Variants in ESR1 observed in about 807,000 individuals in gnomAD.
ESR1 encodes the protein estrogen receptor 1.
ESR1 carries 12 observed loss-of-function variants against 52.7 expected under a neutral mutation model. The observed-to-expected ratio is 0.23, with a 90% CI of 0.15 to 0.37. The LOEUF (loss-of-function observed/expected upper bound fraction) is 0.37, where lower values mean the gene tolerates loss of function less well. Among genes scored for constraint, ESR1 ranks in the 10% least tolerant of loss-of-function variants. The pLI is 1.00. For missense variants in ESR1, 584 were observed against 779.7 expected, an observed-to-expected ratio of 0.75 and a Z score of 2.99; for synonymous variants, 305 against 316.8, an observed-to-expected ratio of 0.96 and a Z score of 0.39.
At chr6:151,794,403 G>C (rs1178133540) in intron 2 of ESR1, among the ~76,000 whole-genome samples, 1 of 152,154 alleles carries the variant, frequency 6.6e-6, no homozygotes, top group African/African-American at 2.4e-5. Context: ...TCCTAAATTA[G>C]ACTGTACACA....
intron 5 of ESR1, among the ~76,000 whole-genome samples, chr6:152,016,290 A>G (rs2128799338): frequency 6.6e-6 from 1 of 152,254 alleles, no homozygotes; most frequent in Admixed American, 6.5e-5. Context: ...CATGAGAACA[A>G]ACTAATACAT....
intron 6 of ESR1, among the ~76,000 whole-genome samples, chr6:152,070,179 C>G (rs763432808): frequency 7.3e-6 from 1 of 136,790 alleles, no homozygotes; most frequent in Non-Finnish European, 1.5e-5. Flanking sequence ...CTGTAGTACT[C>G]TCTATTTCAA....
intron 6 of ESR1, among the ~76,000 whole-genome samples, chr6:152,116,137 T>G (rs2051208164): frequency 6.6e-6 from 1 of 152,212 alleles, no homozygotes; most frequent in Admixed American, 6.5e-5. Flanking sequence ...TCATCACGAC[T>G]TTTTTAGAAA....
chr6:151,947,083 C>G (rs1225308070), intron 4 of ESR1, among the ~76,000 whole-genome samples: 1 of 152,062 alleles, frequency 6.6e-6, no homozygotes, highest in Non-Finnish European at 1.5e-5. Context: ...TTTGGGAGGC[C>G]GAGGCGGGTG....
At chr6:151,891,414 T>C (rs1794681459) in intron 3 of ESR1, among the ~76,000 whole-genome samples, 1 of 152,236 alleles carries the variant, frequency 6.6e-6, no homozygotes, top group Non-Finnish European at 1.5e-5. Flanking sequence ...AATGCAGAAC[T>C]TTGGGGCAGT....
At chr6:152,089,104 G>C (rs1328670549) in intron 6 of ESR1, among the ~76,000 whole-genome samples, 1 of 152,032 alleles carries the variant, frequency 6.6e-6, no homozygotes, top group Non-Finnish European at 1.5e-5. Flanking sequence ...ATTGGAAAAA[G>C]AAACAAACAA....
intron 2 of ESR1, 122 bp downstream of exon 2, chr6:151,842,909 T>A: frequency 1.3e-6 from 1 of 772,286 alleles, no homozygotes; most frequent in Non-Finnish European, 2.2e-6. Context: ...CCCTAGTAGG[T>A]CCACTAGTAT....
chr6:151,970,740 C>T (rs376198589), intron 4 of ESR1, among the ~76,000 whole-genome samples: 3 of 152,192 alleles, frequency 2.0e-5, no homozygotes, highest in Non-Finnish European at 4.4e-5. Context: ...TTATTCTCCT[C>T]GCTCTCTCTA....
At chr6:151,836,872 A>G (rs972388422) in intron 1 of ESR1, among the ~76,000 whole-genome samples, 2 of 152,194 alleles carry the variant, frequency 1.3e-5, no homozygotes, top group Non-Finnish European at 2.9e-5. Flanking sequence ...TTACAGAAAT[A>G]TTTCCTTTAA....
intron 3 of ESR1, among the ~76,000 whole-genome samples, chr6:151,931,230 T>G (rs763112815): frequency 7.0e-4 from 106 of 152,194 alleles, no homozygotes; most frequent in Non-Finnish European, 2.8e-4. Context: ...TTCTTTACAT[T>G]TCAGTTGGGG....
chr6:151,942,832 G>A (rs1048758736), intron 3 of ESR1, among the ~76,000 whole-genome samples: 5 of 152,008 alleles, frequency 3.3e-5, no homozygotes, highest in Admixed American at 3.3e-4. Flanking sequence ...CAAAACGATT[G>A]CTTCCTTCAT....
intron 5 of ESR1, among the ~76,000 whole-genome samples, chr6:152,048,567 G>T (rs972104104): frequency 7.9e-5 from 12 of 152,104 alleles, no homozygotes; most frequent in Middle Eastern, 3.2e-3. Context: ...TGACTAAACT[G>T]TACCCTGCAG....
intron 1 of ESR1, among the ~76,000 whole-genome samples, chr6:151,834,637 G>A (rs1583553617): frequency 6.6e-6 from 1 of 151,908 alleles, no homozygotes; most frequent in African/African-American, 2.4e-5. Context: ...ACCATGGCAC[G>A]TGTATACCTA....
At chr6:151,660,715 C>T (rs1777609919) in intron 1 of ESR1, among the ~76,000 whole-genome samples, 1 of 152,120 alleles carries the variant, frequency 6.6e-6, no homozygotes, top group Admixed American at 6.6e-5. Context: ...GTTATGTAGA[C>T]TCTTTTGTAT....
At chr6:151,992,392 T>C (rs2128718252) in intron 4 of ESR1, among the ~76,000 whole-genome samples, 1 of 152,314 alleles carries the variant, frequency 6.6e-6, no homozygotes, top group Middle Eastern at 3.4e-3. Context: ...CTCATATAGA[T>C]GGAATCATCC....
chr6:151,899,578 AC>A (rs1439096200), intron 3 of ESR1, among the ~76,000 whole-genome samples: 8 of 120,366 alleles, frequency 6.6e-5, no homozygotes, highest in African/African-American at 2.3e-4. Context: ...CGGGGAGCTG[AC>A]CCCCCCACCT....
chr6:151,946,518 AT>A (rs2035722675), intron 4 of ESR1, among the ~76,000 whole-genome samples: 1 of 152,238 alleles, frequency 6.6e-6, no homozygotes, highest in Non-Finnish European at 1.5e-5. Flanking sequence ...TTAAAATACA[AT>A]TATTAAAGCC....
At chr6:152,116,758 GT>G (rs1474345349) in intron 6 of ESR1, among the ~76,000 whole-genome samples, 1 of 150,944 alleles carries the variant, frequency 6.6e-6, no homozygotes, top group Non-Finnish European at 1.5e-5. Context: ...ATTTTATTTT[GT>G]TTTTATATTA....
At chr6:151,674,408 C>T (rs979263218) in intron 1 of ESR1, among the ~76,000 whole-genome samples, 25 of 152,208 alleles carry the variant, frequency 1.6e-4, no homozygotes, top group Non-Finnish European at 3.1e-4. Context: ...ATATGTGCCA[C>T]ATTTCCTTTA....
Sources: allele counts gnomAD v4.1 joint callset (sites outside exome capture counted in the v4.1 genomes callset), GRCh38; gene constraint gnomAD v4.1.1; transcripts MANE v1.5; gene names NCBI Gene and HGNC (gene_info 2026-07-23, HGNC 2026-07-21).